Variants in BICRA observed in about 807,000 individuals in gnomAD.
The protein encoded by BICRA is BRD4 interacting chromatin remodeling complex associated protein, also known as BRD4-interacting chromatin-remodeling complex-associated protein.
Under a neutral mutation model 96.9 loss-of-function variants are expected in BICRA, and 31 were observed. The ratio of observed to expected loss-of-function variants is 0.32; its 90% CI spans 0.24 to 0.43. The LOEUF is 0.43. Ranked by LOEUF, BICRA falls within the 20% of genes least tolerant of loss-of-function variation. The pLI is 1.00. For synonymous variants in BICRA, 1,350 were observed against 1,071.8 expected (o/e 1.26, Z -5.07); for missense variants, 2,283 against 2,190.3 (o/e 1.04, Z -0.84).
At chr19:47,685,451 T>A (rs950917869) in intron 7 of BICRA, among the ~76,000 whole-genome samples, 7 of 152,036 alleles carry the variant, frequency 4.6e-5, no homozygotes, top group African/African-American at 1.7e-4. Flanking sequence ...CAGTGAATGT[T>A]TGTTGGGTGA....
intron 1 of BICRA, among the ~76,000 whole-genome samples, chr19:47,659,460 C>T (rs1972670623): frequency 6.6e-6 from 1 of 152,080 alleles, no homozygotes; most frequent in Non-Finnish European, 1.5e-5. Context: ...TCTTACGGGG[C>T]TTTTTCATGC....
rs148940402 is a variant in BICRA at position 47,622,139 on chromosome 19, G to C, written c.-108+12971G>C. Among the ~76,000 whole-genome samples, 1,058 of 151,878 alleles carry C rather than the reference G, an allele frequency of 7.0e-3. 20 individuals are homozygous for C. The highest frequency in any genetic ancestry group is 0.024 in the African/African-American group (988 of 41,464). ...GCACCACCATGCCCAGCTAATTTTT[G>C]TATTTTTAGTAGAGACAGGTTTCAC... On this transcript the variant is annotated intron_variant, in intron 1 of 14. Coordinates refer to ENST00000594866, the MANE Select transcript of BICRA (RefSeq NM_001394372.1).
intron 1 of BICRA, among the ~76,000 whole-genome samples, chr19:47,651,507 C>T (rs774608756): frequency 7.9e-5 from 12 of 152,122 alleles, no homozygotes; most frequent in Admixed American, 4.6e-4. Context: ...CTCCTCGGGA[C>T]GCTGTCTCTT....
Position 47,698,584 on chromosome 19 carries a change from C to CCTACCCCCCCCCCCCCCCCCG in BICRA, c.3249-50_3249-49insCTACCCCCCCCCCCCCCCCCG. On this transcript the variant is annotated intron_variant, in intron 11 of 14. Transcript: ENST00000594866. This position sits in a 1 kb window ranked among gnomAD's most constrained non-coding sequence, Gnocchi z 4.8. ...TCAGGGACTTCCCCTGGCCCTCACC[C>CCTACCCCCCCCCCCCCCCCCG]GTCCCCCCCACCCTCCGCCGTGTGT... 1.3e-6 allele frequency: 1 copy of CCTACCCCCCCCCCCCCCCCCG among 785,680 alleles called. No individual in the cohort carries two copies. 48.7% of individuals were successfully genotyped at this position (785,680 alleles called of 1,614,324 possible). A position where few individuals can be genotyped will look rare whatever the true frequency, so the allele number is the denominator to read the frequency against.
In BICRA at chr19:47,658,766, C is replaced by T. The variant is rs369877630; in HGVS notation, c.-107-11677C>T. 7.2e-5 allele frequency among the ~76,000 whole-genome samples: 11 copies of T among 152,222 alleles called. No homozygotes were observed. The East Asian group carries it at 9.6e-4, about 13-fold the overall frequency. On this transcript the variant is annotated intron_variant, in intron 1 of 14. Transcript: ENST00000594866. ...AGTCTCAGGCCGCACCGGGACCTGC[C>T]GATTCCCAGATTCTCAAATCTGTAT...
chr19:47,676,282 G>C (rs1245227938), intron 5 of BICRA, among the ~76,000 whole-genome samples: 1 of 152,084 alleles, frequency 6.6e-6, no homozygotes, highest in Non-Finnish European at 1.5e-5. Flanking sequence ...GGCTGGGGGA[G>C]GCCTGGGGTC....
At chr19:47,616,444 C>G (rs1971985555) in intron 1 of BICRA, among the ~76,000 whole-genome samples, 1 of 152,150 alleles carries the variant, frequency 6.6e-6, no homozygotes, top group Non-Finnish European at 1.5e-5. Context: ...CGAGACCAGC[C>G]TGGCCAACAT....
chr19:47,681,018 G>A lies in BICRA; in HGVS notation c.1848G>A (p.Ala616=), dbSNP rs1044179899. ...ATPAAATGEA[A]PVLTVQPAPQ... ...CTGCCGCTGCCACCGGGGAGGCCGC[G>A]CCTGTCCTCACGGTGCAGCCTGCCC... is the stretch of plus-strand genomic sequence containing the variant. The change falls in exon 6 of 15, where the codon GCG becomes GCA. Residue 616 remains alanine, a synonymous_variant. Coordinates refer to ENST00000594866, the MANE Select transcript of BICRA (RefSeq NM_001394372.1). 4.1e-6 allele frequency: 6 copies of A among 1,449,222 alleles called. No individual in the cohort carries two copies. The South Asian group carries it at 5.4e-5, about 13-fold the overall frequency. 89.8% of individuals were successfully genotyped at this position (1,449,222 alleles called of 1,614,324 possible).
chr19:47,681,610 G>C (rs1973062496), intron 6 of BICRA, among the ~76,000 whole-genome samples: 1 of 152,100 alleles, frequency 6.6e-6, no homozygotes, highest in African/African-American at 2.4e-5. Context: ...CTGACAGATG[G>C]AGAGGAGAGG....
Position 47,679,941 on chromosome 19 carries a change from G to T in BICRA, c.771G>T (p.Val257=). The change falls in exon 6 of 15, where the codon GTG becomes GTT. Residue 257 remains valine, a synonymous_variant. Coordinates refer to ENST00000594866, the MANE Select transcript of BICRA (RefSeq NM_001394372.1). The stretch of plus-strand genomic sequence containing the variant: ...CCTCCCAGCTCCTGGCCAAGCAGGT[G>T]CCCGTCAGCGGCTACCTGGCCTCGG... The part of the protein sequence containing the change: ...TPTSQLLAKQ[V]PVSGYLASAA... The T allele has an allele frequency of 6.6e-7, 1 of 1,508,770 alleles. No homozygotes were observed. The highest frequency in any genetic ancestry group is 8.8e-7 in the Non-Finnish European group (1 of 1,135,532). 93.5% of individuals were successfully genotyped at this position (1,508,770 alleles called of 1,614,324 possible).
intron 4 of BICRA, among the ~76,000 whole-genome samples, chr19:47,674,555 G>T (rs1436924481): frequency 1.3e-5 from 2 of 152,150 alleles, no homozygotes; most frequent in African/African-American, 4.8e-5. Context: ...GTGTCTGAAG[G>T]TCAGGAATCT....
chr19:47,613,585 C>T (rs1312088161), intron 1 of BICRA, among the ~76,000 whole-genome samples: 1 of 152,144 alleles, frequency 6.6e-6, no homozygotes, highest in Non-Finnish European at 1.5e-5. Context: ...GCTGCCTGCT[C>T]CCCCAGCAGA....
chr19:47,647,455 G>A (rs892726961), intron 1 of BICRA, among the ~76,000 whole-genome samples: 6 of 152,104 alleles, frequency 3.9e-5, no homozygotes, highest in Non-Finnish European at 7.4e-5. Flanking sequence ...CCATTGTCCT[G>A]TTGATAGGAT....
In BICRA at chr19:47,680,523, C is replaced by A. The variant is rs372738353; in HGVS notation, c.1353C>A (p.Leu451=). 1 of 1,548,698 alleles carries A rather than the reference C, an allele frequency of 6.5e-7. No homozygotes were observed. Among genetic ancestry groups the A allele is most frequent in the South Asian group, 1.2e-5 (1 of 84,546 alleles). The change falls in exon 6 of 15, where the codon CTC becomes CTA. Residue 451 remains leucine (L), a synonymous_variant. Transcript: ENST00000594866. ...GALSKPMSVH[L]LNQGSSIVIP... Reference sequence around the variant, plus strand: ...TGAGCAAACCCATGAGCGTCCACCTCCTGAACCAAGGCAGCAGCATCGTCA... The same window carrying A: ...TGAGCAAACCCATGAGCGTCCACCTACTGAACCAAGGCAGCAGCATCGTCA...
Position 47,699,167 on chromosome 19 carries a change from C to CGGGAGGGAGGTT in BICRA, c.3492+119_3493-114dup. ...TGGAGCCTCCCGCCCCTCCTAGCCCCGGGAGGGAGGTTGGGAGGGAGGCGG... is the reference window on the plus strand; with the variant it reads ...TGGAGCCTCCCGCCCCTCCTAGCCCCGGGAGGGAGGTTGGGAGGGAGGTTGGGAGGGAGGCGG... On this transcript the variant is annotated intron_variant, in intron 13 of 14. Coordinates refer to ENST00000594866, the MANE Select transcript of BICRA (RefSeq NM_001394372.1). The surrounding 1 kb of genome is among the most constrained non-coding windows in gnomAD (Gnocchi z 5.0). The CGGGAGGGAGGTT allele has an allele frequency of 2.1e-6, 2 of 952,464 alleles. No homozygotes were observed. Among genetic ancestry groups the CGGGAGGGAGGTT allele is most frequent in the Admixed American group, 2.0e-5 (1 of 49,650 alleles). The allele number at this position is 952,464 out of a possible 1,614,324, so 59.0% of individuals were successfully genotyped here.
chr19:47,693,409 C>G (rs971551968), intron 7 of BICRA, among the ~76,000 whole-genome samples: 5 of 152,214 alleles, frequency 3.3e-5, no homozygotes, highest in African/African-American at 1.2e-4. Context: ...CCCAGGTAGG[C>G]CTGCAGCCAT....
At chr19:47,632,287 T>A (rs1972232207) in intron 1 of BICRA, among the ~76,000 whole-genome samples, 1 of 152,260 alleles carries the variant, frequency 6.6e-6, no homozygotes, top group Non-Finnish European at 1.5e-5. Context: ...TTTTCACTGC[T>A]GGCAAACAGC....
In BICRA at chr19:47,702,691, TG is replaced by T; in HGVS notation, c.*278del. 2.1e-6 allele frequency: 1 copy of T among 475,212 alleles called. No homozygotes were observed. Among genetic ancestry groups the T allele is most frequent in the African/African-American group, 2.1e-5 (1 of 48,424 alleles). 29.4% of individuals were successfully genotyped at this position (475,212 alleles called of 1,614,324 possible). ...TCAGTTCCTGTTTCTTCCCATTTCC[TG>T]GCACACTCTGCCCCTCTGTCCGGGG... On this transcript the variant is annotated 3_prime_UTR_variant, in exon 15 of 15. Transcript: ENST00000594866.
In BICRA at chr19:47,618,912, C is replaced by T. The variant is rs112652385; in HGVS notation, c.-108+9744C>T. Among the ~76,000 whole-genome samples, 1,112 of 152,288 alleles carry T rather than the reference C, an allele frequency of 7.3e-3. 15 individuals are homozygous for T. Among genetic ancestry groups the T allele is most frequent in the African/African-American group, 0.025 (1,046 of 41,570 alleles). On this transcript the variant is annotated intron_variant, in intron 1 of 14. Transcript: ENST00000594866. ...AGGCTGGATGCCAACTCTCGTCCAC[C>T]GTGTGAGGCTGGGCGGGCAGATGTC...
Sources: allele counts gnomAD v4.1 joint callset (sites outside exome capture counted in the v4.1 genomes callset), GRCh38; gene constraint gnomAD v4.1.1; non-coding constraint Gnocchi (gnomAD v3.1); transcripts MANE v1.5; gene names NCBI Gene and HGNC (gene_info 2026-07-23, HGNC 2026-07-21).